The following ACSS3 variants were observed in gnomAD, a reference collection of about 807,000 sequenced individuals.
The protein encoded by ACSS3 is acyl-CoA synthetase short-chain family member 3, mitochondrial.
In ACSS3, 64 loss-of-function variants were observed where a neutral mutation model predicts 84.2. The ratio of observed to expected loss-of-function variants is 0.76; its 90% CI spans 0.62 to 0.94. ACSS3 has a LOEUF of 0.94. Among genes scored for constraint, ACSS3 ranks in the 40% least tolerant of loss-of-function variants. ACSS3 has a pLI of 0.00. For missense variants in ACSS3, 815 were observed against 867.6 expected, an observed-to-expected ratio of 0.94 and a Z score of 0.76; for synonymous variants, 317 against 310.1, an observed-to-expected ratio of 1.02 and a Z score of -0.23.
chr12:81,220,648 G>A (rs1438134203), intron 11 of ACSS3, among the ~76,000 whole-genome samples: 1 of 151,874 alleles, frequency 6.6e-6, no homozygotes, highest in Non-Finnish European at 1.5e-5. Flanking sequence ...ATGTCCATGT[G>A]TACCCATTAT....
At chr12:81,207,838 T>G (rs1593196845) in intron 9 of ACSS3, among the ~76,000 whole-genome samples, 1 of 152,110 alleles carries the variant, frequency 6.6e-6, no homozygotes, top group Admixed American at 6.6e-5. Context: ...TCTTATCTAG[T>G]TAAACACAAG....
intron 2 of ACSS3, among the ~76,000 whole-genome samples, chr12:81,111,908 C>T (rs988293821): frequency 6.6e-6 from 1 of 152,090 alleles, no homozygotes; most frequent in Non-Finnish European, 1.5e-5. Context: ...TGCTGGGCAG[C>T]TCAAGACAGA....
chr12:81,191,182 C>A (rs2031551865), intron 8 of ACSS3, among the ~76,000 whole-genome samples: 1 of 152,024 alleles, frequency 6.6e-6, no homozygotes, highest in Non-Finnish European at 1.5e-5. Context: ...TATATTGATA[C>A]TTCATTATCA....
rs563200212 is a variant in ACSS3 at position 81,106,291 on chromosome 12, C to T, written c.312-3269C>T. Among the ~76,000 whole-genome samples, 4 of 152,266 alleles carry T rather than the reference C, an allele frequency of 2.6e-5. No individual in the cohort carries two copies. In the East Asian group the frequency reaches 7.7e-4, roughly 29 times the overall value. ...AACACAAGCCATATTGTGAACTGCA[C>T]ATGTGAGGAATCTAGGTTGCATTCT... On this transcript the variant is annotated intron_variant, in intron 1 of 15. Transcript: ENST00000548058.
Position 81,228,346 on chromosome 12 carries a change from C to A in ACSS3, c.1515-2711C>A, listed in dbSNP as rs545806710. Among the ~76,000 whole-genome samples the A allele has an allele frequency of 5.9e-5, 9 of 151,892 alleles. No homozygotes were observed. The South Asian group carries it at 1.7e-3, about 28-fold the overall frequency. ...ACAGGTATATATAAACTTACTCAGA[C>A]CTTTCTTGTAAGAATGAGTGATGGT... On this transcript the variant is annotated intron_variant, in intron 11 of 15. Transcript: ENST00000548058.
intron 13 of ACSS3, among the ~76,000 whole-genome samples, chr12:81,245,238 G>A (rs2033945123): frequency 1.3e-5 from 2 of 152,262 alleles, no homozygotes; most frequent in Admixed American, 6.5e-5. Flanking sequence ...GAGATGGGTG[G>A]ATCACGAGGT....
At position 81,220,028 on chromosome 12, in the gene ACSS3, A is replaced by T. The variant is rs761313206; in HGVS notation, c.1466A>T (p.Asp489Val). Residue 489 changes from aspartate (D) to valine (V), a missense_variant, in exon 11 of 16, where the codon GAC (aspartate) becomes GTC (valine). Physicochemically the swap from Asp to Val is radical, Grantham distance 152. Transcript: ENST00000548058. ...TACTTTGTAGTTATGATTTTGGATG[A>T]CAACATGCAAAAACTGAAGGCTCGG... ...VPGYNVMILD[D>V]NMQKLKARCL... The T allele has an allele frequency of 1.6e-5, 24 of 1,539,454 alleles. No individual in the cohort carries two copies. Among genetic ancestry groups the T allele is most frequent in the Non-Finnish European group, 2.1e-5 (24 of 1,142,928 alleles).
At chr12:81,130,491 A>G (rs912420391) in intron 2 of ACSS3, among the ~76,000 whole-genome samples, 1 of 152,094 alleles carries the variant, frequency 6.6e-6, no homozygotes, top group African/African-American at 2.4e-5. Flanking sequence ...TTTTTCTTGT[A>G]AATTTGTTTA....
intron 7 of ACSS3, among the ~76,000 whole-genome samples, chr12:81,155,815 A>C (rs79301462): frequency 0.023 from 3,560 of 152,296 alleles, 58 homozygotes; most frequent in Non-Finnish European, 0.036. Flanking sequence ...TCAGGTTATC[A>C]TTAGATACAC....
chr12:81,229,854 A>G (rs2033394956), intron 11 of ACSS3, among the ~76,000 whole-genome samples: 1 of 151,160 alleles, frequency 6.6e-6, no homozygotes, highest in Admixed American at 6.6e-5. Context: ...GCTGGACATT[A>G]TAGAAGTGGG....
At chr12:81,240,147 G>A (rs2135988656) in intron 13 of ACSS3, among the ~76,000 whole-genome samples, 1 of 152,012 alleles carries the variant, frequency 6.6e-6, no homozygotes, top group African/African-American at 2.4e-5. Flanking sequence ...CAGTGGATCT[G>A]TAAATTTCCA....
intron 8 of ACSS3, among the ~76,000 whole-genome samples, chr12:81,178,199 T>C (rs1232607591): frequency 5.3e-5 from 8 of 149,828 alleles, no homozygotes; most frequent in South Asian, 2.1e-4. Context: ...TCATTCTTAG[T>C]AAACTATCTC....
At chr12:81,089,434 G>C (rs575247860) in intron 1 of ACSS3, among the ~76,000 whole-genome samples, 52 of 152,036 alleles carry the variant, frequency 3.4e-4, no homozygotes, top group Admixed American at 7.2e-4. Context: ...GGCTCCCTTA[G>C]TTCTAATAAT....
chr12:81,102,586 G>A (rs1171286442), intron 1 of ACSS3, among the ~76,000 whole-genome samples: 1 of 152,048 alleles, frequency 6.6e-6, no homozygotes, highest in East Asian at 1.9e-4. Context: ...ATTTTGGGAG[G>A]CCGAGGCGGG....
intron 1 of ACSS3, among the ~76,000 whole-genome samples, chr12:81,098,533 GT>G (rs1452193913): frequency 2.0e-5 from 3 of 152,096 alleles, no homozygotes; most frequent in African/African-American, 4.8e-5. Flanking sequence ...TATTGATGAT[GT>G]TAAATGAAGA....
chr12:81,199,703 T>C (rs956751998), intron 9 of ACSS3: 13 of 1,379,358 alleles, frequency 9.4e-6, no homozygotes, highest in Middle Eastern at 1.9e-4. Flanking sequence ...TCTTTGTTTC[T>C]TATATCTGGT....
intron 12 of ACSS3, among the ~76,000 whole-genome samples, chr12:81,231,662 A>G (rs542780168): frequency 6.6e-6 from 1 of 151,938 alleles, no homozygotes; most frequent in African/African-American, 2.4e-5. Flanking sequence ...AAAAATACAG[A>G]TACAGGACAG....
intron 11 of ACSS3, among the ~76,000 whole-genome samples, chr12:81,223,428 C>A (rs549380527): frequency 6.6e-6 from 1 of 152,160 alleles, no homozygotes; most frequent in South Asian, 2.1e-4. Flanking sequence ...GCCAAGGAAG[C>A]TTTCTTTTCA....
chr12:81,100,716 AAGATT>A (rs1882443546), intron 1 of ACSS3, among the ~76,000 whole-genome samples: 1 of 152,170 alleles, frequency 6.6e-6, no homozygotes, highest in Non-Finnish European at 1.5e-5. Flanking sequence ...GGTTATTAGG[AAGATT>A]TGCCCCAGGC....
Sources: gnomAD v4.1 joint callset for allele counts (sites outside exome capture counted in the v4.1 genomes callset) on GRCh38, gnomAD v4.1.1 for gene constraint, MANE v1.5 for transcripts, NCBI Gene and HGNC (gene_info 2026-07-23, HGNC 2026-07-21) for gene names.